Variants in ALS2 observed in about 807,000 individuals in gnomAD.
ALS2 encodes the protein alsin Rho guanine nucleotide exchange factor ALS2, also known as alsin.
A neutral mutation model predicts 203.4 loss-of-function variants in ALS2; 117 were observed. The ratio of observed to expected loss-of-function variants is 0.58; its 90% CI spans 0.50 to 0.67. The LOEUF (loss-of-function observed/expected upper bound fraction) is 0.67. Among genes scored for constraint, ALS2 ranks in the 30% least tolerant of loss-of-function variants. The pLI is 0.00. For missense variants in ALS2, 1,715 were observed against 1,989.4 expected, an observed-to-expected ratio of 0.86 and a Z score of 2.62; for synonymous variants, 718 against 725.9, an observed-to-expected ratio of 0.99 and a Z score of 0.17.
chr2:201,770,844 G>A (rs1440999544), intron 1 of ALS2, among the ~76,000 whole-genome samples: 1 of 152,078 alleles, frequency 6.6e-6, no homozygotes, highest in African/African-American at 2.4e-5. Context: ...CTTTCCTAGA[G>A]CGTCCAGAAA....
chr2:201,704,581 T>G lies in ALS2; in HGVS notation c.4711A>C (p.Lys1571Gln), dbSNP rs1349332584. 6.2e-6 allele frequency: 10 copies of G among 1,614,148 alleles called. No homozygotes were observed. Among genetic ancestry groups the G allele is most frequent in the Non-Finnish European group, 8.5e-6 (10 of 1,180,006 alleles). ...AAAGTCTGCTGGATGACCTTAAGTT[T>G]GTCTGATGGGGTAAATGTTGTGCTG... Reference protein sequence around the residue: ...QISTTFTPSDKLKVIQQTFEE... With the variant: ...QISTTFTPSDQLKVIQQTFEE... The change falls in exon 32 of 34, where the codon AAA (lysine) becomes CAA (glutamine). Residue 1571 changes from lysine to glutamine, a missense_variant. Physicochemically the swap from Lys to Gln is moderately conservative, Grantham distance 53. Coordinates refer to ENST00000264276, the MANE Select transcript of ALS2 (RefSeq NM_020919.4).
intron 12 of ALS2, among the ~76,000 whole-genome samples, chr2:201,734,650 C>G (rs528787233): frequency 6.6e-6 from 1 of 152,162 alleles, no homozygotes; most frequent in Admixed American, 6.5e-5. Context: ...TGAACACAAA[C>G]TCCCTTGGAC....
chr2:201,755,739 T>C (rs1693342271), intron 5 of ALS2, among the ~76,000 whole-genome samples: 1 of 152,220 alleles, frequency 6.6e-6, no homozygotes, highest in African/African-American at 2.4e-5. Flanking sequence ...TCAAATTATT[T>C]TACAGAGATG....
At position 201,704,222 on chromosome 2, in the gene ALS2, C is replaced by T; in HGVS notation, c.4839-4G>A. ...CTCAGAGCCTAAATTCCTAATCCTG[C>T]CCCAGAGAGAAAAAGATGCTGAGTT... On this transcript the variant is annotated splice_region_variant and splice_polypyrimidine_tract_variant and intron_variant, in intron 32 of 33. Coordinates refer to ENST00000264276, the MANE Select transcript of ALS2 (RefSeq NM_020919.4). The T allele has an allele frequency of 6.2e-7, 1 of 1,612,016 alleles. No homozygotes were observed. Among genetic ancestry groups the T allele is most frequent in the South Asian group, 1.1e-5 (1 of 91,036 alleles).
chr2:201,754,767 C>A lies in ALS2; in HGVS notation c.1472-96G>T, dbSNP rs1693282858. 3.0e-6 allele frequency: 4 copies of A among 1,331,778 alleles called. No homozygotes were observed. In the South Asian group the frequency reaches 5.1e-5, roughly 17 times the overall value. 82.5% of individuals were successfully genotyped at this position (1,331,778 alleles called of 1,614,324 possible). A position where few individuals can be genotyped will look rare whatever the true frequency, so the allele number is the denominator to read the frequency against. ...ACTTAAGATTTTCAAAAACATACGCCACCAATGGTATTTTTGAAGCATATT... is the reference window on the plus strand; with the variant it reads ...ACTTAAGATTTTCAAAAACATACGCAACCAATGGTATTTTTGAAGCATATT... On this transcript the variant is annotated intron_variant, in intron 5 of 33. Transcript: ENST00000264276.
At chr2:201,755,363 A>G (rs561518610) in intron 5 of ALS2, among the ~76,000 whole-genome samples, 262 of 152,096 alleles carry the variant, frequency 1.7e-3, no homozygotes, top group Non-Finnish European at 3.2e-3. Flanking sequence ...CCTGGGTTCA[A>G]GTGATTCTCC....
rs1689647225 is a variant in ALS2 at position 201,705,455 on chromosome 2, A to G, written c.4587T>C (p.Phe1529=). ...LLGFLGVQRK[F]WPATLSILGE... is the part of the protein sequence containing the mutation. Reference sequence around the variant, plus strand: ...CAAGGATTGACAAGGTTGCTGGCCAAAATTTCCTATAATGGAATCCATAAA... The same window carrying G: ...CAAGGATTGACAAGGTTGCTGGCCAGAATTTCCTATAATGGAATCCATAAA... The change falls in exon 30 of 34, where the codon TTT becomes TTC. Residue 1529 remains phenylalanine (F), a synonymous_variant. Coordinates refer to ENST00000264276, the MANE Select transcript of ALS2 (RefSeq NM_020919.4). 6.2e-7 allele frequency: 1 copy of G among 1,612,336 alleles called. No individual in the cohort carries two copies. The highest frequency in any genetic ancestry group is 8.5e-7 in the Non-Finnish European group (1 of 1,178,482).
At chr2:201,718,863 C>T (rs1279927474) in intron 23 of ALS2, among the ~76,000 whole-genome samples, 1 of 151,940 alleles carries the variant, frequency 6.6e-6, no homozygotes, top group African/African-American at 2.4e-5. Flanking sequence ...AGGAAGTTCT[C>T]GAATCAGTAA....
intron 3 of ALS2, chr2:201,763,496 G>C (rs1574792441): frequency 3.5e-6 from 1 of 284,520 alleles, no homozygotes; most frequent in East Asian, 6.3e-5. Context: ...TCCGTATCAG[G>C]AATTCACTGG....
chr2:201,718,000 A>G (rs945071735), intron 24 of ALS2, 77 bp downstream of exon 24: 3 of 1,484,138 alleles, frequency 2.0e-6, no homozygotes, highest in Admixed American at 3.7e-5. Context: ...TGCTTTTAAA[A>G]TATTAACCAG....
At chr2:201,708,537 C>A (rs1285492030) in intron 27 of ALS2, among the ~76,000 whole-genome samples, 1 of 152,112 alleles carries the variant, frequency 6.6e-6, no homozygotes, top group Non-Finnish European at 1.5e-5. Flanking sequence ...AGTTTTCAAC[C>A]CTCACCCTCC....
At chr2:201,776,152 T>C (rs1694649527) in intron 1 of ALS2, among the ~76,000 whole-genome samples, 1 of 152,228 alleles carries the variant, frequency 6.6e-6, no homozygotes, top group Non-Finnish European at 1.5e-5. Context: ...ATCCTAACAA[T>C]GAAGACACTT....
chr2:201,747,443 A>G (rs1023324860), intron 8 of ALS2, among the ~76,000 whole-genome samples: 31 of 149,348 alleles, frequency 2.1e-4, no homozygotes, highest in African/African-American at 6.9e-4. Flanking sequence ...AATGGGGAAT[A>G]GAGTCCAGCA....
At chr2:201,761,940 A>G (rs1693796531) in intron 3 of ALS2, 122 bp from the exon 4 acceptor site, 1 of 1,108,456 alleles carries the variant, frequency 9.0e-7, no homozygotes, top group Non-Finnish European at 1.3e-6. Flanking sequence ...TTAAATTTTC[A>G]AAAGCAGTTG....
At chr2:201,735,907 AG>A (rs2106029475) in intron 12 of ALS2, among the ~76,000 whole-genome samples, 1 of 152,324 alleles carries the variant, frequency 6.6e-6, no homozygotes, top group East Asian at 1.9e-4. Context: ...CTTTTCTTCA[AG>A]CATTACTATT....
intron 14 of ALS2, 100 bp from the exon 15 acceptor site, chr2:201,728,740 G>A: frequency 7.2e-7 from 1 of 1,390,868 alleles, no homozygotes. Context: ...AAGGGAATTT[G>A]CTGGTCGTAG....
At chr2:201,762,948 G>T in intron 3 of ALS2, 1 of 159,256 alleles carries the variant, frequency 6.3e-6, no homozygotes, top group South Asian at 1.7e-4. Context: ...AAGTCCTGCT[G>T]AAAACCTATC....
intron 27 of ALS2, among the ~76,000 whole-genome samples, chr2:201,709,518 T>C (rs1328516815): frequency 6.6e-6 from 1 of 152,164 alleles, no homozygotes; most frequent in Admixed American, 6.5e-5. Flanking sequence ...ACACAAAAAC[T>C]CAAGGGCAAA....
At chr2:201,709,376 A>G (rs1013378939) in intron 27 of ALS2, among the ~76,000 whole-genome samples, 5 of 152,200 alleles carry the variant, frequency 3.3e-5, no homozygotes, top group African/African-American at 1.2e-4. Flanking sequence ...AAGCTCCATG[A>G]CAGCAAAGAC....
Sources: allele counts gnomAD v4.1 joint callset (sites outside exome capture counted in the v4.1 genomes callset), GRCh38; gene constraint gnomAD v4.1.1; transcripts MANE v1.5; gene names NCBI Gene and HGNC (gene_info 2026-07-23, HGNC 2026-07-21).